LDLRAD4: variants seen among roughly 807,000 people sequenced by gnomAD.
LDLRAD4 encodes low density lipoprotein receptor class A domain containing 4.
Under a neutral mutation model 17.0 loss-of-function variants are expected in LDLRAD4, and 5 were observed. That is an observed-to-expected ratio of 0.29 (90% CI 0.15 to 0.62). The LOEUF (loss-of-function observed/expected upper bound fraction) is 0.62, where lower values mean the gene tolerates loss of function less well. Ranked by LOEUF, LDLRAD4 falls within the 20% of genes least tolerant of loss-of-function variation. The pLI is 0.84. For missense variants in LDLRAD4, 340 were observed against 424.7 expected (o/e 0.80, Z 1.75); for synonymous variants, 168 against 171.8 (o/e 0.98, Z 0.17).
chr18:13,524,905 G>A (rs771712210), intron 3 of LDLRAD4, among the ~76,000 whole-genome samples: 7 of 152,226 alleles, frequency 4.6e-5, no homozygotes, highest in Non-Finnish European at 1.0e-4. Context: ...AAGTTGGCGT[G>A]TGTCACTCTC....
chr18:13,639,122 G>C (rs2042310738), intron 4 of LDLRAD4, among the ~76,000 whole-genome samples: 1 of 152,202 alleles, frequency 6.6e-6, no homozygotes, highest in Non-Finnish European at 1.5e-5. Flanking sequence ...TTATTTCACA[G>C]CTTATTTTGA....
intron 4 of LDLRAD4, among the ~76,000 whole-genome samples, chr18:13,624,445 T>C (rs2040935618): frequency 6.6e-6 from 1 of 152,208 alleles, no homozygotes; most frequent in African/African-American, 2.4e-5. Flanking sequence ...ACAGTGGCCA[T>C]GCCCCGCCTC....
At chr18:13,321,861 C>CAAAAAAAAAAAAAGAA (rs2081242564) in intron 1 of LDLRAD4, among the ~76,000 whole-genome samples, 1 of 62,140 alleles carries the variant, frequency 1.6e-5, no homozygotes, top group African/African-American at 6.4e-5. Flanking sequence ...GACTCCGTCT[C>CAAAAAAAAAAAAAGAA]AAAAAAAAAA....
At chr18:13,329,736 A>G (rs2081743045) in intron 1 of LDLRAD4, among the ~76,000 whole-genome samples, 1 of 152,218 alleles carries the variant, frequency 6.6e-6, no homozygotes, top group South Asian at 2.1e-4. Context: ...AATGTTACCA[A>G]TTCCAATATC....
intron 3 of LDLRAD4, among the ~76,000 whole-genome samples, chr18:13,580,704 G>T (rs995139728): frequency 6.6e-6 from 1 of 152,134 alleles, no homozygotes; most frequent in Non-Finnish European, 1.5e-5. Flanking sequence ...TGACTTGGCC[G>T]TGCCCTTGTC....
chr18:13,510,064 G>C (rs531058735), intron 3 of LDLRAD4, among the ~76,000 whole-genome samples: 1 of 152,346 alleles, frequency 6.6e-6, no homozygotes, highest in Admixed American at 6.5e-5. Flanking sequence ...TCACTTTGTT[G>C]CAATATTCAC....
chr18:13,439,289 A>G (rs948991282), intron 3 of LDLRAD4, among the ~76,000 whole-genome samples: 3 of 152,186 alleles, frequency 2.0e-5, no homozygotes, highest in Non-Finnish European at 4.4e-5. Context: ...GAGGGGATTT[A>G]AAAAAAGAAA....
chr18:13,376,465 T>C (rs2084920388), intron 1 of LDLRAD4, among the ~76,000 whole-genome samples: 1 of 152,166 alleles, frequency 6.6e-6, no homozygotes, highest in South Asian at 2.1e-4. Context: ...AGCGGCATCC[T>C]GTGGTTTTCT....
At chr18:13,401,965 C>G (rs1316367666) in intron 2 of LDLRAD4, among the ~76,000 whole-genome samples, 1 of 152,154 alleles carries the variant, frequency 6.6e-6, no homozygotes, top group African/African-American at 2.4e-5. Context: ...AACGGTGGTT[C>G]CTCCTTATCC....
chr18:13,381,077 T>TTTG (rs2085325825), intron 1 of LDLRAD4, among the ~76,000 whole-genome samples: 1 of 29,812 alleles, frequency 3.4e-5, no homozygotes, highest in Non-Finnish European at 1.0e-4. Context: ...TTCTCTTTAG[T>TTTG]TTTTTTTTTT....
At chr18:13,502,776 C>T (rs1336046889) in intron 3 of LDLRAD4, among the ~76,000 whole-genome samples, 1 of 152,174 alleles carries the variant, frequency 6.6e-6, no homozygotes, top group Non-Finnish European at 1.5e-5. Context: ...CTCAGTGCTT[C>T]GGGGTGAATT....
At chr18:13,574,929 G>A (rs942671264) in intron 3 of LDLRAD4, among the ~76,000 whole-genome samples, 5 of 152,158 alleles carry the variant, frequency 3.3e-5, no homozygotes, top group African/African-American at 1.2e-4. Flanking sequence ...CCTCCTTACA[G>A]CACAGGCTGT....
intron 1 of LDLRAD4, among the ~76,000 whole-genome samples, chr18:13,301,859 A>T (rs1053190002): frequency 2.0e-5 from 3 of 152,142 alleles, no homozygotes; most frequent in African/African-American, 7.2e-5. Flanking sequence ...TTGGGCAGAC[A>T]GGCAGGAGAG....
At chr18:13,637,858 TC>T (rs2042212221) in intron 4 of LDLRAD4, among the ~76,000 whole-genome samples, 1 of 132,398 alleles carries the variant, frequency 7.6e-6, no homozygotes, top group African/African-American at 2.9e-5. Flanking sequence ...AGAGCAAGAC[TC>T]CGTCTCAACA....
At chr18:13,321,712 T>C (rs1395819951) in intron 1 of LDLRAD4, among the ~76,000 whole-genome samples, 1 of 151,652 alleles carries the variant, frequency 6.6e-6, no homozygotes, top group Non-Finnish European at 1.5e-5. Flanking sequence ...ATGCAAAAAT[T>C]AGCCGTTGTG....
At chr18:13,274,014 C>T (rs1255981713), upstream of LDLRAD4, among the ~76,000 whole-genome samples, 1 of 152,148 alleles carries the variant, frequency 6.6e-6, no homozygotes, top group African/African-American at 2.4e-5. Context: ...GCCCCGATGC[C>T]TGGTGCCATA....
intron 3 of LDLRAD4, among the ~76,000 whole-genome samples, chr18:13,473,673 AT>A (rs1568214027): frequency 0.017 from 1,959 of 113,698 alleles, 155 homozygotes; most frequent in African/African-American, 0.058. Context: ...ATATATATAT[AT>A]ATATAACGTT....
chr18:13,321,410 C>T (rs1003928251), intron 1 of LDLRAD4, among the ~76,000 whole-genome samples: 1 of 152,198 alleles, frequency 6.6e-6, no homozygotes, highest in Non-Finnish European at 1.5e-5. Flanking sequence ...ATTTAATTCT[C>T]TTCGGGACTC....
intron 3 of LDLRAD4, among the ~76,000 whole-genome samples, chr18:13,506,048 T>A (rs2093687687): frequency 6.6e-6 from 1 of 152,124 alleles, no homozygotes; most frequent in African/African-American, 2.4e-5. Flanking sequence ...CTCAGCGTTG[T>A]AAAGTATCTC....
Sources: allele counts gnomAD v4.1 joint callset (sites outside exome capture counted in the v4.1 genomes callset), GRCh38; gene constraint gnomAD v4.1.1; transcripts MANE v1.5; gene names NCBI Gene and HGNC (gene_info 2026-07-23, HGNC 2026-07-21).